IL1RAPL2: variants seen among roughly 807,000 people sequenced by gnomAD.
IL1RAPL2 encodes interleukin 1 receptor accessory protein like 2, also known as X-linked interleukin-1 receptor accessory protein-like 2.
Under a neutral mutation model 44.1 loss-of-function variants are expected in IL1RAPL2, and 3 were observed. The ratio of observed to expected loss-of-function variants is 0.07; its 90% CI spans 0.03 to 0.18. The LOEUF (loss-of-function observed/expected upper bound fraction) is 0.18. IL1RAPL2 is among the 10% of genes least tolerant of loss of function. The pLI is 1.00. For missense variants in IL1RAPL2, 391 were observed against 496.4 expected (o/e 0.79, Z 2.02); for synonymous variants, 181 against 178.8 (o/e 1.01, Z -0.10).
chrX:105,476,980 C>A (rs1391482900), intron 5 of IL1RAPL2, among the ~76,000 whole-genome samples: 1 of 112,012 alleles, frequency 8.9e-6, no homozygotes, highest in African/African-American at 3.2e-5. Flanking sequence ...GTCTTTCATT[C>A]CACATTTAGA....
At chrX:105,257,844 T>C (rs1322696432) in intron 4 of IL1RAPL2, among the ~76,000 whole-genome samples, 1 of 112,168 alleles carries the variant, frequency 8.9e-6, no homozygotes, top group African/African-American at 3.2e-5. Flanking sequence ...GATGGGTCTT[T>C]TGAAGACAGC....
chrX:105,540,886 T>C (rs1197483288), intron 6 of IL1RAPL2, among the ~76,000 whole-genome samples: 1 of 101,492 alleles, frequency 9.9e-6, no homozygotes, highest in Admixed American at 1.1e-4. Context: ...ACATATATTA[T>C]ATATGATATA....
At chrX:105,374,130 A>AG (rs1411797844) in intron 5 of IL1RAPL2, among the ~76,000 whole-genome samples, 10 of 103,408 alleles carry the variant, frequency 9.7e-5, no homozygotes, top group African/African-American at 3.1e-4. Flanking sequence ...AAAAAAAAAA[A>AG]AAAAAAGAAA....
chrX:104,779,134 G>A (rs1932756902), intron 2 of IL1RAPL2, among the ~76,000 whole-genome samples: 1 of 112,292 alleles, frequency 8.9e-6, no homozygotes, highest in African/African-American at 3.2e-5. Flanking sequence ...TGGCAGAACT[G>A]GGCTTAGGCA....
At chrX:105,540,247 C>T (rs2036710030) in intron 6 of IL1RAPL2, among the ~76,000 whole-genome samples, 1 of 111,773 alleles carries the variant, frequency 8.9e-6, no homozygotes, top group African/African-American at 3.3e-5. Flanking sequence ...CATAGGTAAT[C>T]ACAGCATTAT....
intron 2 of IL1RAPL2, among the ~76,000 whole-genome samples, chrX:104,758,909 C>T (rs956573990): frequency 3.6e-5 from 4 of 111,605 alleles, no homozygotes; most frequent in African/African-American, 9.8e-5. Context: ...TCAGACCAGG[C>T]TCCCTCCAAT....
chrX:105,439,809 T>G (rs926005635), intron 5 of IL1RAPL2, among the ~76,000 whole-genome samples: 5 of 111,927 alleles, frequency 4.5e-5, no homozygotes, highest in African/African-American at 1.6e-4. Flanking sequence ...AATTTGAAGA[T>G]TATTTCGGGT....
intron 2 of IL1RAPL2, among the ~76,000 whole-genome samples, chrX:104,677,820 C>G (rs1047331673): frequency 1.9e-4 from 21 of 111,988 alleles, no homozygotes; most frequent in Admixed American, 2.8e-4. Flanking sequence ...TTAAGCTCGT[C>G]GGAAAAGCGC....
intron 2 of IL1RAPL2, among the ~76,000 whole-genome samples, chrX:105,053,048 T>G (rs2031948399): frequency 9.0e-6 from 1 of 110,801 alleles, no homozygotes; most frequent in Non-Finnish European, 1.9e-5. Context: ...AGAAATCACC[T>G]GCCTTCTGTG....
intron 6 of IL1RAPL2, among the ~76,000 whole-genome samples, chrX:105,570,132 CCT>C (rs1302583529): frequency 2.7e-5 from 3 of 111,200 alleles, no homozygotes; most frequent in African/African-American, 9.8e-5. Context: ...CCCACCTTCC[CCT>C]GAGTCCCCAA....
intron 2 of IL1RAPL2, among the ~76,000 whole-genome samples, chrX:104,844,260 A>G (rs1054924732): frequency 9.0e-6 from 1 of 111,372 alleles, no homozygotes; most frequent in Non-Finnish European, 1.9e-5. Flanking sequence ...GTACAGATCA[A>G]TGTTCGTAGT....
chrX:105,103,128 A>T (rs1184773677), intron 2 of IL1RAPL2, among the ~76,000 whole-genome samples: 1 of 111,308 alleles, frequency 9.0e-6, no homozygotes, highest in Non-Finnish European at 1.9e-5. Context: ...AATAGTTTTA[A>T]CTGAATGAAT....
intron 2 of IL1RAPL2, among the ~76,000 whole-genome samples, chrX:104,951,031 T>C (rs1056984617): frequency 8.9e-6 from 1 of 111,999 alleles, no homozygotes; most frequent in Admixed American, 9.5e-5. Flanking sequence ...CTCGCCCTGC[T>C]TCGGCTCGCT....
chrX:104,696,441 A>C (rs1931184837), intron 2 of IL1RAPL2, among the ~76,000 whole-genome samples: 2 of 112,138 alleles, frequency 1.8e-5, no homozygotes, highest in Admixed American at 9.5e-5. Context: ...ACACCTGCTG[A>C]ATGCAAGTGT....
chrX:104,903,314 C>T (rs892119672), intron 2 of IL1RAPL2, among the ~76,000 whole-genome samples: 3 of 111,812 alleles, frequency 2.7e-5, no homozygotes, highest in Admixed American at 9.5e-5. Context: ...ATTATTCTCT[C>T]TCTTCTTCCC....
chrX:105,104,632 A>G (rs999068318), intron 2 of IL1RAPL2, among the ~76,000 whole-genome samples: 10 of 111,920 alleles, frequency 8.9e-5, no homozygotes, highest in African/African-American at 2.9e-4. Context: ...TCAGCAACTC[A>G]TTCATTCTTC....
intron 5 of IL1RAPL2, among the ~76,000 whole-genome samples, chrX:105,424,664 C>T (rs189062421): frequency 3.7e-4 from 40 of 109,561 alleles, no homozygotes; most frequent in Admixed American, 3.1e-3. Flanking sequence ...GCAGGAGAAT[C>T]GCCTGAACCC....
intron 2 of IL1RAPL2, among the ~76,000 whole-genome samples, chrX:105,184,445 CAT>C (rs1240891842): frequency 2.0e-5 from 2 of 98,500 alleles, no homozygotes; most frequent in African/African-American, 3.6e-5. Context: ...TATATAACAA[CAT>C]AAAATATTTG....
At chrX:104,942,210 A>G (rs1317533372) in intron 2 of IL1RAPL2, among the ~76,000 whole-genome samples, 3 of 112,044 alleles carry the variant, frequency 2.7e-5, no homozygotes, top group Non-Finnish European at 5.6e-5. Flanking sequence ...TATGAACTTT[A>G]AAGTAGTTTT....
Sources: gnomAD v4.1 joint callset for allele counts (sites outside exome capture counted in the v4.1 genomes callset) on GRCh38, gnomAD v4.1.1 for gene constraint, MANE v1.5 for transcripts, NCBI Gene and HGNC (gene_info 2026-07-23, HGNC 2026-07-21) for gene names.